Variants in GPAM observed in about 807,000 individuals in gnomAD.
The protein encoded by GPAM is glycerol-3-phosphate acyltransferase, mitochondrial, also known as glycerol-3-phosphate acyltransferase 1, mitochondrial.
In GPAM, 56 loss-of-function variants were observed where a neutral mutation model predicts 105.0. The observed-to-expected ratio is 0.53, with a 90% confidence interval of 0.43 to 0.67. The LOEUF (loss-of-function observed/expected upper bound fraction) is 0.67. Among genes scored for constraint, GPAM ranks in the 30% least tolerant of loss-of-function variants. The pLI is 0.00. For missense variants in GPAM, 855 were observed against 989.8 expected, an observed-to-expected ratio of 0.86 and a Z score of 1.83; for synonymous variants, 368 against 354.4, an observed-to-expected ratio of 1.04 and a Z score of -0.43.
Position 112,150,377 on chromosome 10 carries a change from G to C in GPAM, c.*3173C>G. 2 of 985,492 alleles carry C rather than the reference G, an allele frequency of 2.0e-6. No homozygotes were observed. The highest frequency in any genetic ancestry group is 2.4e-6 in the Non-Finnish European group (2 of 829,622). The allele number at this position is 985,492 out of a possible 1,614,324, so 61.0% of individuals were successfully genotyped here. On this transcript the variant is annotated 3_prime_UTR_variant, in exon 22 of 22. Transcript: ENST00000348367. ...CTGATACGTTCAGTGAAAAAGCCAG[G>C]ATCATTGGGGCTGTTCTCTCTATCA...
chr10:112,203,096 C>T (rs552608233), intron 1 of GPAM, among the ~76,000 whole-genome samples: 1 of 152,096 alleles, frequency 6.6e-6, no homozygotes, highest in Non-Finnish European at 1.5e-5. Flanking sequence ...CTCCTCTCAG[C>T]GCTGTGGTAG....
chr10:112,222,112 A>G, the GPAM span, among the ~76,000 whole-genome samples: 1 of 152,332 alleles, frequency 6.6e-6, no homozygotes, highest in Non-Finnish European at 1.5e-5. Flanking sequence ...TGAGTTGACA[A>G]TTGTTGAAGT....
At chr10:112,213,473 G>A (rs555472258) in intron 1 of GPAM, among the ~76,000 whole-genome samples, 3 of 152,248 alleles carry the variant, frequency 2.0e-5, no homozygotes, top group East Asian at 3.9e-4. Flanking sequence ...CCTACCGGGT[G>A]TCACAGATTC....
At chr10:112,183,260 G>A (rs1847540642) in intron 1 of GPAM, among the ~76,000 whole-genome samples, 1 of 152,190 alleles carries the variant, frequency 6.6e-6, no homozygotes, top group African/African-American at 2.4e-5. Context: ...ATAAACAAAG[G>A]GTCTACCACA....
At chr10:112,179,858 T>C (rs1251614023) in intron 4 of GPAM, among the ~76,000 whole-genome samples, 1 of 152,146 alleles carries the variant, frequency 6.6e-6, no homozygotes, top group Non-Finnish European at 1.5e-5. Flanking sequence ...AATTTGTCCT[T>C]CTCTTCAACT....
At chr10:112,208,584 A>G (rs978750779) in intron 1 of GPAM, among the ~76,000 whole-genome samples, 1 of 152,176 alleles carries the variant, frequency 6.6e-6, no homozygotes, top group Non-Finnish European at 1.5e-5. Context: ...CTGGGAAATC[A>G]AAAACTAAGA....
At chr10:112,223,630 A>T in the GPAM span, among the ~76,000 whole-genome samples, 1 of 152,128 alleles carries the variant, frequency 6.6e-6, no homozygotes. Flanking sequence ...TTCCTCCTTC[A>T]TGGAGATGTT....
Position 112,168,831 on chromosome 10 carries a change from G to T in GPAM, c.894+22C>A, listed in dbSNP as rs1324577138. On this transcript the variant is annotated intron_variant, in intron 10 of 21. Coordinates refer to ENST00000348367, the MANE Select transcript of GPAM (RefSeq NM_001244949.2). ...TGATAACCAACACAATGTCCCTAAG[G>T]ATAATTAGAGATCACACATACCCCA... is the stretch of plus-strand genomic sequence containing the variant. 5 of 1,366,840 alleles carry T rather than the reference G, an allele frequency of 3.7e-6. No individual in the cohort carries two copies. The Admixed American group carries it at 8.4e-5, about 23-fold the overall frequency. The allele number at this position is 1,366,840 out of a possible 1,614,324, so 84.7% of individuals were successfully genotyped here.
At position 112,207,783 on chromosome 10, in the gene GPAM, A is replaced by G. The variant is rs540532615; in HGVS notation, n.210+7385T>C. Among the ~76,000 whole-genome samples the G allele has an allele frequency of 3.8e-4, 58 of 152,296 alleles. 1 individual carries two copies. Among genetic ancestry groups the G allele is most frequent in the Middle Eastern group, 3.4e-3 (1 of 294 alleles). On this transcript the variant is annotated intron_variant and non_coding_transcript_variant, in intron 1 of 3. Coordinates refer to the GPAM transcript ENST00000480130. The stretch of plus-strand genomic sequence containing the variant: ...TGTCCACCAATATCACGCTCAAGAT[A>G]TATCTTTGACCTCAAGAAGCACTCA...
In GPAM at chr10:112,153,393, AG is replaced by A; in HGVS notation, c.*156del. ...GTTGATGCAGAGCTGGGAAGATCAC[AG>A]ATCCATGGAGGGAGAAGGCACTTGT... On this transcript the variant is annotated 3_prime_UTR_variant, in exon 22 of 22. Coordinates refer to ENST00000348367, the MANE Select transcript of GPAM (RefSeq NM_001244949.2). 6.4e-7 allele frequency: 1 copy of A among 1,573,762 alleles called. No individual in the cohort carries two copies. Among genetic ancestry groups the A allele is most frequent in the Non-Finnish European group, 8.6e-7 (1 of 1,165,756 alleles).
chr10:112,203,648 C>T (rs6585142), intron 1 of GPAM, among the ~76,000 whole-genome samples: 16,601 of 152,242 alleles, frequency 0.11, 2,700 homozygotes, highest in African/African-American at 0.36. Context: ...AGATGATACA[C>T]ATTACTAACA....
intron 17 of GPAM, among the ~76,000 whole-genome samples, chr10:112,159,707 G>A (rs1847087003): frequency 6.6e-6 from 1 of 152,170 alleles, no homozygotes; most frequent in Non-Finnish European, 1.5e-5. Flanking sequence ...CATAGCTGCA[G>A]GATAGATTCA....
chr10:112,226,858 C>T, the GPAM span, among the ~76,000 whole-genome samples: 1 of 151,988 alleles, frequency 6.6e-6, no homozygotes, highest in African/African-American at 2.4e-5. Context: ...GCCCTGGATT[C>T]CATCCAAGCC....
chr10:112,170,748 C>T (rs1318663566), intron 9 of GPAM, among the ~76,000 whole-genome samples: 6 of 152,184 alleles, frequency 3.9e-5, no homozygotes, highest in Admixed American at 1.3e-4. Context: ...TCATATCACA[C>T]GCTATTACAG....
chr10:112,213,663 A>G (rs1847937566), intron 1 of GPAM, among the ~76,000 whole-genome samples: 1 of 152,200 alleles, frequency 6.6e-6, no homozygotes, highest in South Asian at 2.1e-4. Flanking sequence ...TTTACTCAGA[A>G]AGAGACCTGA....
At position 112,212,124 on chromosome 10, in the gene GPAM, A is replaced by G. The variant is rs113807629; in HGVS notation, n.210+3044T>C. 4.2e-4 allele frequency among the ~76,000 whole-genome samples: 64 copies of G among 152,328 alleles called. 1 individual carries two copies. The highest frequency in any genetic ancestry group is 1.5e-3 in the African/African-American group (63 of 41,588). On this transcript the variant is annotated intron_variant and non_coding_transcript_variant, in intron 1 of 3. Transcript: ENST00000480130. ...CAGTGGTCAGAAAAGATGTTAGGTC[A>G]GGGGTCCAGTCAAGGAAGAGGGGGC... is the stretch of plus-strand genomic sequence containing the variant.
chr10:112,173,933 C>T lies in GPAM; in HGVS notation c.414-88G>A, dbSNP rs1434648812. ...TTTTCTAAACTGCAGCTGTAAATCACAAAACAAAATGTATGTTCTCTTTAA... is the reference window on the plus strand; with the variant it reads ...TTTTCTAAACTGCAGCTGTAAATCATAAAACAAAATGTATGTTCTCTTTAA... On this transcript the variant is annotated intron_variant, in intron 6 of 21. Coordinates refer to ENST00000348367, the MANE Select transcript of GPAM (RefSeq NM_001244949.2). The T allele has an allele frequency of 3.7e-6, 4 of 1,069,652 alleles. No homozygotes were observed. The East Asian group carries it at 9.5e-5, about 25-fold the overall frequency. The allele number at this position is 1,069,652 out of a possible 1,614,324, so 66.3% of individuals were successfully genotyped here.
At chr10:112,225,378 G>A in the GPAM span, among the ~76,000 whole-genome samples, 1 of 152,192 alleles carries the variant, frequency 6.6e-6, no homozygotes, top group Non-Finnish European at 1.5e-5. Context: ...CAGGGACTGG[G>A]GTTCAAAACT....
At chr10:112,173,628 C>G in intron 7 of GPAM, 71 bp downstream of exon 7, 2 of 1,414,992 alleles carry the variant, frequency 1.4e-6, no homozygotes, top group African/African-American at 1.4e-5. Flanking sequence ...TAGGAAAGTT[C>G]AATAATTCAG....
Sources: gnomAD v4.1 joint callset for allele counts (sites outside exome capture counted in the v4.1 genomes callset) on GRCh38, gnomAD v4.1.1 for gene constraint, MANE v1.5 for transcripts, NCBI Gene and HGNC (gene_info 2026-07-23, HGNC 2026-07-21) for gene names.